Variants in RANBP2 observed in about 807,000 individuals in gnomAD.
The protein encoded by RANBP2 is RAN binding protein 2, also known as E3 SUMO-protein ligase RanBP2.
A neutral mutation model predicts 303.6 loss-of-function variants in RANBP2; 57 were observed. The observed-to-expected ratio is 0.19, with a 90% CI of 0.15 to 0.23. RANBP2 has a LOEUF of 0.23. RANBP2 is among the 10% of genes least tolerant of loss of function. The pLI, the probability that RANBP2 is intolerant of heterozygous loss-of-function variation, is 1.00. For synonymous variants in RANBP2, 1,167 were observed against 1,301.5 expected (o/e 0.90, Z 2.23); for missense variants, 3,138 against 3,780.8 (o/e 0.83, Z 4.46).
At chr2:109,407,993 C>G in the RANBP2 span, among the ~76,000 whole-genome samples, 1 of 152,178 alleles carries the variant, frequency 6.6e-6, no homozygotes, top group Admixed American at 6.5e-5. Context: ...GGGTTTCTGC[C>G]TGTGCCTCCA....
chr2:109,250,327 TA>T, the RANBP2 span, among the ~76,000 whole-genome samples: 1 of 152,148 alleles, frequency 6.6e-6, no homozygotes, highest in Admixed American at 6.5e-5. Context: ...TGGGGGTTTC[TA>T]AACATGCACA....
At chr2:109,106,516 C>A in the RANBP2 span, among the ~76,000 whole-genome samples, 1 of 152,120 alleles carries the variant, frequency 6.6e-6, no homozygotes, top group South Asian at 2.1e-4. Flanking sequence ...GTCAACACAA[C>A]CTGCAAAATT....
chr2:109,550,606 G>A, the RANBP2 span, among the ~76,000 whole-genome samples: 1 of 152,056 alleles, frequency 6.6e-6, no homozygotes, highest in African/African-American at 2.4e-5. Flanking sequence ...GAGCCACCAC[G>A]CCCGGCCCCA....
the RANBP2 span, among the ~76,000 whole-genome samples, chr2:108,958,110 A>T: frequency 6.6e-6 from 1 of 152,138 alleles, no homozygotes; most frequent in Non-Finnish European, 1.5e-5. Flanking sequence ...ACGAACGCAC[A>T]CACCCCTGCA....
At chr2:108,850,484 C>T in the RANBP2 span, among the ~76,000 whole-genome samples, 4 of 152,160 alleles carry the variant, frequency 2.6e-5, no homozygotes, top group Non-Finnish European at 1.5e-5. Context: ...CAGAGTTTCA[C>T]CCTGTCGCCC....
chr2:109,084,137 C>G, the RANBP2 span, among the ~76,000 whole-genome samples: 1 of 152,214 alleles, frequency 6.6e-6, no homozygotes, highest in Non-Finnish European at 1.5e-5. Flanking sequence ...ATGGCACCTT[C>G]TGCTGCCTCT....
the RANBP2 span, among the ~76,000 whole-genome samples, chr2:109,050,121 A>T: frequency 2.2e-5 from 3 of 139,346 alleles, no homozygotes; most frequent in South Asian, 6.8e-4. Flanking sequence ...TACACACTGG[A>T]TTTCAAAGAT....
the RANBP2 span, among the ~76,000 whole-genome samples, chr2:109,314,652 A>G: frequency 1.3e-5 from 2 of 152,216 alleles, no homozygotes; most frequent in Non-Finnish European, 2.9e-5. Flanking sequence ...AAACTTGTAA[A>G]TTAATCCTCC....
the RANBP2 span, among the ~76,000 whole-genome samples, chr2:109,761,211 T>G: frequency 7.0e-6 from 1 of 143,066 alleles, no homozygotes; most frequent in African/African-American, 2.6e-5. Flanking sequence ...GAAGTGCCCT[T>G]AGAGGATGCT....
chr2:109,264,398 C>G, the RANBP2 span, among the ~76,000 whole-genome samples: 1 of 152,098 alleles, frequency 6.6e-6, no homozygotes, highest in African/African-American at 2.4e-5. Flanking sequence ...CACCTCGAGT[C>G]TGTGGGTGCC....
the RANBP2 span, among the ~76,000 whole-genome samples, chr2:109,065,959 C>T: frequency 6.6e-6 from 1 of 152,106 alleles, no homozygotes; most frequent in Non-Finnish European, 1.5e-5. Flanking sequence ...TTTTTTTTGA[C>T]AGAGTTTCAC....
At chr2:109,648,227 C>A in the RANBP2 span, among the ~76,000 whole-genome samples, 1 of 152,156 alleles carries the variant, frequency 6.6e-6, no homozygotes, top group African/African-American at 2.4e-5. Flanking sequence ...AACCACTGAA[C>A]CAACAGCAGA....
chr2:109,324,868 G>GCA, the RANBP2 span, among the ~76,000 whole-genome samples: 2 of 152,312 alleles, frequency 1.3e-5, no homozygotes, highest in East Asian at 3.9e-4. Flanking sequence ...ACGCACGCTG[G>GCA]CACACTGTCT....
chr2:109,610,187 C>G, the RANBP2 span, among the ~76,000 whole-genome samples: 1 of 151,868 alleles, frequency 6.6e-6, no homozygotes, highest in African/African-American at 2.4e-5. Context: ...CTCTCAGGTT[C>G]AAGTGATCCT....
At chr2:109,259,925 G>A in the RANBP2 span, among the ~76,000 whole-genome samples, 1 of 152,152 alleles carries the variant, frequency 6.6e-6, no homozygotes, top group Non-Finnish European at 1.5e-5. Context: ...GTGCACAACA[G>A]GGGCTCTGCA....
the RANBP2 span, among the ~76,000 whole-genome samples, chr2:109,595,154 T>C: frequency 1.3e-5 from 2 of 152,214 alleles, no homozygotes. Context: ...CCCAAAGTGC[T>C]GGGATTACAG....
At chr2:108,898,865 T>G in the RANBP2 span, among the ~76,000 whole-genome samples, 5 of 152,060 alleles carry the variant, frequency 3.3e-5, no homozygotes, top group African/African-American at 1.2e-4. Context: ...TAATGGAAAC[T>G]AGAAGTGGAA....
rs1426985726 is a variant in RANBP2 at position 108,719,574 on chromosome 2, C to G, written c.-33C>G. On this transcript the variant is annotated 5_prime_UTR_variant, in exon 1 of 29. Coordinates refer to ENST00000283195, the MANE Select transcript of RANBP2 (RefSeq NM_006267.5). ...GACTGCTGCGGGCCTGAGCGCTGGT[C>G]TCACGCGCCTCGGGAGCCAGGTTGG... is the stretch of plus-strand genomic sequence containing the variant. 7 of 1,589,138 alleles carry G rather than the reference C, an allele frequency of 4.4e-6. No individual in the cohort carries two copies. In the East Asian group the frequency reaches 1.4e-4, roughly 31 times the overall value.
chr2:109,575,951 G>A, the RANBP2 span, among the ~76,000 whole-genome samples: 2 of 152,234 alleles, frequency 1.3e-5, no homozygotes, highest in South Asian at 4.1e-4. Context: ...TTATACATCT[G>A]TATTTTCCAC....
Sources: allele counts gnomAD v4.1 joint callset (sites outside exome capture counted in the v4.1 genomes callset), GRCh38; gene constraint gnomAD v4.1.1; transcripts MANE v1.5; gene names NCBI Gene and HGNC (gene_info 2026-07-23, HGNC 2026-07-21).